The following SORCS3 variants were observed in gnomAD, a reference collection of about 807,000 sequenced individuals.
SORCS3 encodes the protein sortilin related VPS10 domain containing receptor 3.
In SORCS3, 57 loss-of-function variants were observed where a neutral mutation model predicts 146.3. The observed-to-expected ratio is 0.39, with a 90% CI of 0.31 to 0.49. SORCS3 has a LOEUF of 0.49. Among genes scored for constraint, SORCS3 ranks in the 20% least tolerant of loss-of-function variants. The probability of loss-of-function intolerance (pLI) is 0.92; values close to 1 mark genes in which losing one functional copy is unlikely to be tolerated. For missense variants in SORCS3, 1,341 were observed against 1,575.5 expected (o/e 0.85, Z 2.52); for synonymous variants, 653 against 618.5 (o/e 1.06, Z -0.83).
At chr10:104,679,735 C>A (rs1002296546) in intron 1 of SORCS3, among the ~76,000 whole-genome samples, 1 of 152,130 alleles carries the variant, frequency 6.6e-6, no homozygotes, top group Non-Finnish European at 1.5e-5. Context: ...TTGCAACATT[C>A]CATTTCTTTC....
At chr10:105,039,615 C>T (rs2055326942) in intron 4 of SORCS3, among the ~76,000 whole-genome samples, 1 of 151,948 alleles carries the variant, frequency 6.6e-6, no homozygotes, top group African/African-American at 2.4e-5. Flanking sequence ...TGCTGCCATG[C>T]CCAGCTAATT....
rs189721982 is a variant in SORCS3, at chr10:105,035,315, G to C, written c.955-7740G>C. On this transcript the variant is annotated intron_variant, in intron 4 of 26. Coordinates refer to ENST00000369701, the MANE Select transcript of SORCS3 (RefSeq NM_014978.3). ...TATTTGCACTTGTGTTTAAGATCAAGTCTCCAGATTCTCTGGGGGATGCTG... is the reference window on the plus strand; with the variant it reads ...TATTTGCACTTGTGTTTAAGATCAACTCTCCAGATTCTCTGGGGGATGCTG... Among the ~76,000 whole-genome samples, 577 of 152,284 alleles carry C rather than the reference G, an allele frequency of 3.8e-3. 4 individuals carry two copies. Among genetic ancestry groups the C allele is most frequent in the Middle Eastern group, 0.01 (3 of 294 alleles).
chr10:104,971,997 A>G (rs578102344), intron 3 of SORCS3, among the ~76,000 whole-genome samples: 3 of 152,170 alleles, frequency 2.0e-5, no homozygotes, highest in Non-Finnish European at 4.4e-5. Flanking sequence ...TAGAGAGATC[A>G]ATGTAATTGT....
chr10:104,805,463 T>C lies in SORCS3; in HGVS notation c.628-37329T>C, dbSNP rs535068140. Among the ~76,000 whole-genome samples the C allele has an allele frequency of 1.2e-4, 19 of 152,136 alleles. No homozygotes were observed. In the South Asian group the frequency reaches 3.9e-3, roughly 32 times the overall value. ...TTGAAAGTGGTTTTGGCTAGAAGAG[T>C]GTGGAAGACATTTTTTTTAAAAGGT... On this transcript the variant is annotated intron_variant, in intron 1 of 26. Transcript: ENST00000369701.
intron 6 of SORCS3, among the ~76,000 whole-genome samples, chr10:105,103,693 C>T (rs2055802280): frequency 6.6e-6 from 1 of 152,150 alleles, no homozygotes; most frequent in Non-Finnish European, 1.5e-5. Flanking sequence ...CAGATGATGA[C>T]TGTTGATGGG....
chr10:104,740,578 T>C (rs950408680), intron 1 of SORCS3, among the ~76,000 whole-genome samples: 6 of 152,246 alleles, frequency 3.9e-5, no homozygotes, highest in African/African-American at 1.4e-4. Context: ...ACCTCCATAA[T>C]GGCATGAACT....
intron 1 of SORCS3, among the ~76,000 whole-genome samples, chr10:104,786,418 C>A (rs980946387): frequency 1.3e-5 from 2 of 151,726 alleles, no homozygotes; most frequent in African/African-American, 2.4e-5. Flanking sequence ...TGTGGTGGCA[C>A]GTGCCTGTAA....
intron 7 of SORCS3, among the ~76,000 whole-genome samples, chr10:105,126,886 C>T (rs768072712): frequency 6.6e-6 from 1 of 152,100 alleles, no homozygotes; most frequent in African/African-American, 2.4e-5. Flanking sequence ...CTTCACTGTG[C>T]TGAGTACCAT....
At chr10:104,825,891 TTCACAG>T (rs1468070640) in intron 1 of SORCS3, among the ~76,000 whole-genome samples, 1 of 152,208 alleles carries the variant, frequency 6.6e-6, no homozygotes, top group Admixed American at 6.5e-5. Context: ...ACAGCCATTT[TTCACAG>T]TCTCCTTGTT....
chr10:104,847,811 G>A (rs1016141101), intron 2 of SORCS3, among the ~76,000 whole-genome samples: 4 of 152,158 alleles, frequency 2.6e-5, no homozygotes, highest in East Asian at 1.9e-4. Flanking sequence ...TAGTATGGGA[G>A]CCATTCTACT....
chr10:104,814,168 G>A (rs1002333212), intron 1 of SORCS3, among the ~76,000 whole-genome samples: 3 of 152,200 alleles, frequency 2.0e-5, no homozygotes, highest in Middle Eastern at 6.8e-3. Flanking sequence ...CACAAGGGGG[G>A]AGTTAAATCA....
chr10:105,089,221 T>A (rs989019845), intron 5 of SORCS3, among the ~76,000 whole-genome samples: 6 of 152,322 alleles, frequency 3.9e-5, no homozygotes, highest in Non-Finnish European at 7.4e-5. Flanking sequence ...TGAATGTCTA[T>A]TGCCAAACTT....
At chr10:104,811,122 C>T (rs916096790) in intron 1 of SORCS3, among the ~76,000 whole-genome samples, 1 of 152,036 alleles carries the variant, frequency 6.6e-6, no homozygotes, top group African/African-American at 2.4e-5. Flanking sequence ...TTAAAAGTAC[C>T]ATATAGGAAG....
chr10:104,894,147 T>G lies in SORCS3; in HGVS notation c.696-21686T>G, dbSNP rs140820669. Among the ~76,000 whole-genome samples, 389 of 152,338 alleles carry G rather than the reference T, an allele frequency of 2.6e-3. 2 individuals carry two copies. The highest frequency in any genetic ancestry group is 8.9e-3 in the African/African-American group (370 of 41,582). On this transcript the variant is annotated intron_variant, in intron 2 of 26. Coordinates refer to ENST00000369701, the MANE Select transcript of SORCS3 (RefSeq NM_014978.3). The stretch of plus-strand genomic sequence containing the variant: ...CTCCTTTCTTCTCTCCACCCTTTGC[T>G]TTCTTATCATTGTTTTACACACATG...
At chr10:104,772,008 TC>T (rs2017255092) in intron 1 of SORCS3, among the ~76,000 whole-genome samples, 1 of 152,168 alleles carries the variant, frequency 6.6e-6, no homozygotes, top group Non-Finnish European at 1.5e-5. Flanking sequence ...GGAATGTGTA[TC>T]TGGGTGCAGG....
chr10:105,173,696 C>G (rs1589671347), intron 13 of SORCS3, among the ~76,000 whole-genome samples: 1 of 152,066 alleles, frequency 6.6e-6, no homozygotes, highest in South Asian at 2.1e-4. Context: ...AAAATAAGGT[C>G]CTTCATGATT....
At chr10:104,754,535 C>A (rs925801653) in intron 1 of SORCS3, among the ~76,000 whole-genome samples, 3 of 152,086 alleles carry the variant, frequency 2.0e-5, no homozygotes, top group African/African-American at 7.2e-5. Context: ...AACTTTACCC[C>A]CCTGGCGTTT....
intron 15 of SORCS3, among the ~76,000 whole-genome samples, chr10:105,200,703 C>T (rs1589685454): frequency 6.6e-6 from 1 of 152,172 alleles, no homozygotes; most frequent in Non-Finnish European, 1.5e-5. Context: ...AGAGAAGGAA[C>T]ATTTTGGGTC....
intron 2 of SORCS3, among the ~76,000 whole-genome samples, chr10:104,873,038 T>C (rs1768742551): frequency 6.6e-6 from 1 of 152,134 alleles, no homozygotes; most frequent in African/African-American, 2.4e-5. Context: ...ACACAGTAAA[T>C]GTGTCAAGAA....
Sources: allele counts gnomAD v4.1 joint callset (sites outside exome capture counted in the v4.1 genomes callset), GRCh38; gene constraint gnomAD v4.1.1; transcripts MANE v1.5; gene names NCBI Gene and HGNC (gene_info 2026-07-23, HGNC 2026-07-21).